SPRED2: variants seen among roughly 807,000 people sequenced by gnomAD.
The protein encoded by SPRED2 is sprouty related EVH1 domain containing 2.
SPRED2 carries 47 observed loss-of-function variants against 43.0 expected under a neutral mutation model. That is an observed-to-expected ratio of 1.09 (90% confidence interval 0.87 to 1.40). The LOEUF (loss-of-function observed/expected upper bound fraction) is 1.40. Ranked by LOEUF, SPRED2 falls within the 40% of genes most tolerant of loss-of-function variation. The pLI, the probability that SPRED2 is intolerant of heterozygous loss-of-function variation, is 0.00. For synonymous variants in SPRED2, 225 were observed against 225.7 expected, an observed-to-expected ratio of 1.00 and a Z score of 0.03; for missense variants, 561 against 586.4, an observed-to-expected ratio of 0.96 and a Z score of 0.45.
In SPRED2 at chr2:65,313,459, C is replaced by A. The variant is rs1475681910; in HGVS notation, c.*42G>T. The A allele has an allele frequency of 6.4e-7, 1 of 1,563,236 alleles. No homozygotes were observed. The highest frequency in any genetic ancestry group is 8.6e-7 in the Non-Finnish European group (1 of 1,156,640). ...GATGAGAGTATGTAAGAGACGAGTTCCCCTGTGGCTGCGGATGGAGGGAGA... is the reference window on the plus strand; with the variant it reads ...GATGAGAGTATGTAAGAGACGAGTTACCCTGTGGCTGCGGATGGAGGGAGA... On this transcript the variant is annotated 3_prime_UTR_variant, in exon 6 of 6. Transcript: ENST00000356388.
chr2:65,413,425 G>A (rs535763760), intron 1 of SPRED2, among the ~76,000 whole-genome samples: 76 of 152,326 alleles, frequency 5.0e-4, no homozygotes, highest in Non-Finnish European at 8.2e-4. Flanking sequence ...AAGAGATGTG[G>A]CTGTATCTGT....
At chr2:65,354,948 C>G (rs1674607076) in intron 1 of SPRED2, among the ~76,000 whole-genome samples, 1 of 152,202 alleles carries the variant, frequency 6.6e-6, no homozygotes, top group Non-Finnish European at 1.5e-5. Flanking sequence ...GCAAGTACCT[C>G]TTGAGGTGAG....
chr2:65,313,746 GGAT>G lies in SPRED2; in HGVS notation c.1009_1011del (p.Ile337del). The G allele has an allele frequency of 6.2e-7, 1 of 1,614,198 alleles. No individual in the cohort carries two copies. The highest frequency in any genetic ancestry group is 8.5e-7 in the Non-Finnish European group (1 of 1,180,028). On this transcript the variant is annotated inframe_deletion, in exon 6 of 6. Transcript: ENST00000356388. ...GCGCACCACATGCAGCTCACCCGGCGGATGCAAGTTCTCACGGAGTCGGGCGCG... is the reference window on the plus strand; with the variant it reads ...GCGCACCACATGCAGCTCACCCGGCGGCAAGTTCTCACGGAGTCGGGCGCG...
At chr2:65,415,814 G>C (rs1676259812) in intron 1 of SPRED2, among the ~76,000 whole-genome samples, 1 of 151,788 alleles carries the variant, frequency 6.6e-6, no homozygotes. Flanking sequence ...TGCTTCACAT[G>C]TAACATCCAT....
intron 1 of SPRED2, among the ~76,000 whole-genome samples, chr2:65,385,030 T>C (rs1675463227): frequency 6.7e-6 from 1 of 149,438 alleles, no homozygotes; most frequent in African/African-American, 2.4e-5. Flanking sequence ...TGGAGTGCAG[T>C]GGCGCCATCT....
intron 1 of SPRED2, among the ~76,000 whole-genome samples, chr2:65,350,007 C>T (rs935889872): frequency 1.3e-5 from 2 of 152,230 alleles, no homozygotes; most frequent in African/African-American, 4.8e-5. Flanking sequence ...TCTGGATAAT[C>T]CAGCTGCATG....
chr2:65,362,402 T>A (rs528847490), intron 1 of SPRED2, among the ~76,000 whole-genome samples: 13 of 152,176 alleles, frequency 8.5e-5, no homozygotes, highest in African/African-American at 3.1e-4. Flanking sequence ...CCCCAGTAGC[T>A]GCAACTACAG....
At chr2:65,317,139 T>C (rs920588890) in intron 4 of SPRED2, among the ~76,000 whole-genome samples, 2 of 152,142 alleles carry the variant, frequency 1.3e-5, no homozygotes, top group African/African-American at 4.8e-5. Flanking sequence ...TTTTCTTAAA[T>C]GCGGGAATAG....
At chr2:65,426,310 C>T (rs1676557567) in intron 1 of SPRED2, among the ~76,000 whole-genome samples, 2 of 152,044 alleles carry the variant, frequency 1.3e-5, no homozygotes, top group African/African-American at 4.8e-5. Flanking sequence ...ATATATATAC[C>T]CTAAGTTAAC....
intron 4 of SPRED2, among the ~76,000 whole-genome samples, chr2:65,329,519 C>G (rs925164): frequency 1.3e-5 from 2 of 151,786 alleles, no homozygotes; most frequent in Non-Finnish European, 2.9e-5. Flanking sequence ...TGCAAGTGCC[C>G]GGAAGCAGCA....
chr2:65,390,041 T>A (rs1210472603), intron 1 of SPRED2, among the ~76,000 whole-genome samples: 1 of 152,184 alleles, frequency 6.6e-6, no homozygotes, highest in Non-Finnish European at 1.5e-5. Context: ...CATCACCCCT[T>A]TCCTATGTTT....
At position 65,341,683 on chromosome 2, in the gene SPRED2, T is replaced by C. The variant is rs114820219; in HGVS notation, c.204+3036A>G. On this transcript the variant is annotated intron_variant, in intron 2 of 5. Transcript: ENST00000356388. ...CAGGAATTTAACTGAGGTTATTTAC[T>C]TAAAGGACCTGGAACAAATGGTAAA... Among the ~76,000 whole-genome samples the C allele has an allele frequency of 3.1e-3, 478 of 152,286 alleles. 4 individuals are homozygous for C. The highest frequency in any genetic ancestry group is 0.01 in the African/African-American group (433 of 41,536).
intron 1 of SPRED2, among the ~76,000 whole-genome samples, chr2:65,358,153 G>C (rs547636180): frequency 1.3e-5 from 2 of 152,284 alleles, no homozygotes; most frequent in Admixed American, 1.3e-4. Context: ...AACCATGACA[G>C]ACTAACAGAT....
Position 65,353,882 on chromosome 2 carries a change from C to T in SPRED2, c.27-8986G>A, listed in dbSNP as rs149400737. 2.8e-3 allele frequency among the ~76,000 whole-genome samples: 426 copies of T among 152,288 alleles called. 1 individual carries two copies. Among genetic ancestry groups the T allele is most frequent in the Non-Finnish European group, 5.1e-3 (346 of 68,020 alleles). On this transcript the variant is annotated intron_variant, in intron 1 of 5. Coordinates refer to ENST00000356388, the MANE Select transcript of SPRED2 (RefSeq NM_181784.3). ...TATACTGCACATTCTGGCACATTAT[C>T]TTGCACCTGCCTTGCAGACATCCTT...
In SPRED2 at chr2:65,334,773, C is replaced by G. The variant is rs369730684; in HGVS notation, c.205G>C (p.Val69Leu). 1 of 1,613,962 alleles carries G rather than the reference C, an allele frequency of 6.2e-7. No individual in the cohort carries two copies. The highest frequency in any genetic ancestry group is 8.5e-7 in the Non-Finnish European group (1 of 1,180,004). Residue 69 changes from valine (V) to leucine (L), a missense_variant and splice_region_variant, in exon 3 of 6, where the codon GTG (valine) becomes CTG (leucine). This residue lies in a region of SPRED2 where 305 missense variants were observed against 282.4 expected (regional missense o/e 1.08). Coordinates refer to ENST00000356388, the MANE Select transcript of SPRED2 (RefSeq NM_181784.3). ...TTTCTTACATAGCATTCCAATACCA[C>G]CTGAAGGATGGAAACACACAGGCTG... The part of the protein sequence containing the change: ...IHGERQKDKL[V>L]VLECYVRKDL...
Position 65,423,937 on chromosome 2 carries a change from G to A in SPRED2, c.26+8025C>T, listed in dbSNP as rs1392530332. Among the ~76,000 whole-genome samples the A allele has an allele frequency of 2.6e-5, 4 of 152,026 alleles. No homozygotes were observed. In the South Asian group the frequency reaches 8.3e-4, roughly 32 times the overall value. On this transcript the variant is annotated intron_variant, in intron 1 of 5. Coordinates refer to ENST00000356388, the MANE Select transcript of SPRED2 (RefSeq NM_181784.3). ...CCCGAGTAGCTGGGATTACAGGCAT[G>A]TGCTAGCATGCTCAACTAATTTTGT...
At chr2:65,355,829 C>T (rs892261554) in intron 1 of SPRED2, among the ~76,000 whole-genome samples, 2 of 152,128 alleles carry the variant, frequency 1.3e-5, no homozygotes, top group African/African-American at 2.4e-5. Context: ...CCCGAAGAAA[C>T]GTTTCTTCTA....
At chr2:65,310,781 G>T, downstream of SPRED2, 1 of 783,256 alleles carries the variant, frequency 1.3e-6, no homozygotes, top group Non-Finnish European at 1.5e-6. Flanking sequence ...CTGTATGCGG[G>T]AACTCCAAGA....
intron 1 of SPRED2, among the ~76,000 whole-genome samples, chr2:65,368,795 G>C (rs537086233): frequency 1.8e-4 from 27 of 152,166 alleles, no homozygotes; most frequent in Non-Finnish European, 3.7e-4. Flanking sequence ...AATTAAAAAA[G>C]AGATTATTGG....
Sources: allele counts gnomAD v4.1 joint callset (sites outside exome capture counted in the v4.1 genomes callset), GRCh38; gene constraint gnomAD v4.1.1; regional missense constraint gnomAD v4.1.1; transcripts MANE v1.5; gene names NCBI Gene and HGNC (gene_info 2026-07-23, HGNC 2026-07-21).